ABI3BP: variants seen among roughly 807,000 people sequenced by gnomAD.
ABI3BP encodes ABI family member 3 binding protein, also known as target of Nesh-SH3.
In ABI3BP, 216 loss-of-function variants were observed where a neutral mutation model predicts 268.6. That is an observed-to-expected ratio of 0.80 (90% CI 0.72 to 0.90). The LOEUF is 0.90. Ranked by LOEUF, ABI3BP falls within the 40% of genes least tolerant of loss-of-function variation. The pLI, the probability that ABI3BP is intolerant of heterozygous loss-of-function variation, is 0.00. For synonymous variants in ABI3BP, 730 were observed against 730.0 expected (o/e 1.00, Z 0.00); for missense variants, 2,090 against 2,182.4 (o/e 0.96, Z 0.84).
intron 20 of ABI3BP, chr3:100,844,161 T>G: frequency 1.0e-6 from 1 of 985,446 alleles, no homozygotes; most frequent in Non-Finnish European, 1.2e-6. Context: ...GCCACTCATC[T>G]CAGCACAAAA....
rs2098338719 is a variant in ABI3BP, at chr3:100,824,861, G to A, written c.2743C>T (p.Pro915Ser). Residue 915 changes from proline (P) to serine (S), a missense_variant, in exon 36 of 68, where the codon CCT becomes TCT. By Grantham distance (74) the Pro-to-Ser change is moderately conservative (BLOSUM62 -1). Coordinates refer to ENST00000471714, the MANE Select transcript of ABI3BP (RefSeq NM_001375547.2). ...AACCAAGGAATCACAGATTTACCAG[G>A]TTTGGTCTCAGGTGCCTGAGGGCTC... ...TPSPQAPETK[P>S]VPATVLEPVT... The A allele has an allele frequency of 6.5e-7, 1 of 1,535,554 alleles. No individual in the cohort carries two copies. Among genetic ancestry groups the A allele is most frequent in the African/African-American group, 1.4e-5 (1 of 73,076 alleles).
intron 20 of ABI3BP, among the ~76,000 whole-genome samples, chr3:100,844,811 T>C (rs1219986570): frequency 6.6e-6 from 1 of 152,116 alleles, no homozygotes; most frequent in East Asian, 1.9e-4. Context: ...ATTAGAAGGT[T>C]TAGAAATCAA....
intron 64 of ABI3BP, 89 bp downstream of exon 64, chr3:100,754,523 A>C: frequency 2.4e-6 from 3 of 1,249,688 alleles, no homozygotes; most frequent in Non-Finnish European, 3.4e-6. Context: ...CAGTACATGT[A>C]GTGGGTTTCA....
At chr3:100,841,637 C>T (rs894396739) in intron 21 of ABI3BP, among the ~76,000 whole-genome samples, 4 of 151,946 alleles carry the variant, frequency 2.6e-5, no homozygotes, top group African/African-American at 4.8e-5. Flanking sequence ...ACCTGTAATC[C>T]CAGCACTTTG....
At chr3:100,895,282 G>A (rs577548588) in intron 4 of ABI3BP, among the ~76,000 whole-genome samples, 13 of 152,170 alleles carry the variant, frequency 8.5e-5, no homozygotes, top group Non-Finnish European at 5.9e-5. Context: ...TCTGCTCTCC[G>A]ATGTGAACTT....
intron 2 of ABI3BP, among the ~76,000 whole-genome samples, chr3:100,924,785 C>G (rs1480227109): frequency 2.6e-5 from 4 of 152,032 alleles, no homozygotes; most frequent in Non-Finnish European, 5.9e-5. Flanking sequence ...AATTTGACTT[C>G]TATTACTTTA....
At chr3:100,934,248 T>C (rs1561814817) in intron 1 of ABI3BP, among the ~76,000 whole-genome samples, 1 of 152,004 alleles carries the variant, frequency 6.6e-6, no homozygotes, top group African/African-American at 2.4e-5. Context: ...TTTTCTGTTC[T>C]TGCATTAGTT....
chr3:100,826,364 C>T (rs905374585), intron 34 of ABI3BP, among the ~76,000 whole-genome samples: 1 of 152,064 alleles, frequency 6.6e-6, no homozygotes, highest in East Asian at 1.9e-4. Flanking sequence ...TTTGTCTAGA[C>T]TTGGCTGAAC....
rs549647748 is a variant in ABI3BP, at chr3:100,809,246, C to T, written c.3608-1011G>A. Among the ~76,000 whole-genome samples the T allele has an allele frequency of 2.0e-5, 3 of 152,084 alleles. No homozygotes were observed. The East Asian group carries it at 5.8e-4, about 29-fold the overall frequency. On this transcript the variant is annotated intron_variant, in intron 49 of 67. Coordinates refer to ENST00000471714, the MANE Select transcript of ABI3BP (RefSeq NM_001375547.2). Reference sequence around the variant, plus strand: ...GGGTCTAAGGTCTCAGTTTCTTCATCAGAAGTTACACAATTTTAAAGAACC... The same window carrying T: ...GGGTCTAAGGTCTCAGTTTCTTCATTAGAAGTTACACAATTTTAAAGAACC...
intron 42 of ABI3BP, 31 bp downstream of exon 42, chr3:100,817,405 A>G (rs1316534132): frequency 1.4e-6 from 2 of 1,444,510 alleles, no homozygotes; most frequent in Non-Finnish European, 9.2e-7. Flanking sequence ...TAAGGAGGAA[A>G]AAGTTATTCA....
chr3:100,752,601 A>G (rs2095398145), intron 66 of ABI3BP, 186 bp downstream of exon 66: 2 of 553,030 alleles, frequency 3.6e-6, no homozygotes, highest in Non-Finnish European at 6.2e-6. Context: ...TTACCTTCTA[A>G]TAGCATGTCT....
At chr3:100,813,585 G>T in intron 45 of ABI3BP, 76 bp downstream of exon 45, 1 of 1,140,278 alleles carries the variant, frequency 8.8e-7, no homozygotes, top group Admixed American at 2.3e-5. Flanking sequence ...TTTATCTTTG[G>T]AAATATAACT....
chr3:100,931,643 T>C (rs1252941720), intron 1 of ABI3BP, among the ~76,000 whole-genome samples: 2 of 151,966 alleles, frequency 1.3e-5, no homozygotes, highest in Admixed American at 1.3e-4. Flanking sequence ...GGAATACAGC[T>C]AACCATGGAG....
intron 39 of ABI3BP, among the ~76,000 whole-genome samples, 152 bp from the exon 40 acceptor site, chr3:100,820,455 A>ATTATAATAGTATGTCTCCTT (rs144488788): frequency 0.14 from 21,458 of 152,244 alleles, 1,966 homozygotes; most frequent in South Asian, 0.27. Flanking sequence ...AACATTCACT[A>ATTATAATAGTATGTCTCCTT]TTACAATTGA....
chr3:100,749,895 A>AAAGGAAATGTATATT lies in ABI3BP; in HGVS notation c.*585_*599dup, dbSNP rs1395635590. 2.5e-6 allele frequency: 1 copy of AAAGGAAATGTATATT among 394,968 alleles called. No homozygotes were observed. Among genetic ancestry groups the AAAGGAAATGTATATT allele is most frequent in the Non-Finnish European group, 4.5e-6 (1 of 224,156 alleles). 24.5% of individuals were successfully genotyped at this position (394,968 alleles called of 1,614,324 possible). ...TCTTTTTAAGAATTTGTGGATGTTT[A>AAAGGAAATGTATATT]AAGGAAATGTATATTAGCATGAATG... On this transcript the variant is annotated 3_prime_UTR_variant, in exon 68 of 68. Coordinates refer to ENST00000471714, the MANE Select transcript of ABI3BP (RefSeq NM_001375547.2).
At chr3:100,839,921 T>C in intron 23 of ABI3BP, 151 bp downstream of exon 23, 1 of 613,118 alleles carries the variant, frequency 1.6e-6, no homozygotes, top group Non-Finnish European at 2.7e-6. Flanking sequence ...ATTACATATA[T>C]AAAATGAATA....
chr3:100,750,681 AG>A, intron 67 of ABI3BP, 71 bp from the exon 68 acceptor site: 1 of 1,094,310 alleles, frequency 9.1e-7, no homozygotes, highest in Non-Finnish European at 1.3e-6. Context: ...CATAGATTGA[AG>A]GATGTCGTTG....
chr3:100,892,734 C>G (rs901608204), intron 4 of ABI3BP, among the ~76,000 whole-genome samples: 2 of 152,132 alleles, frequency 1.3e-5, no homozygotes, highest in African/African-American at 2.4e-5. Flanking sequence ...AGTAAGGTTC[C>G]CTACATGACT....
At chr3:100,825,245 T>A in intron 35 of ABI3BP, among the ~76,000 whole-genome samples, 1 of 152,156 alleles carries the variant, frequency 6.6e-6, no homozygotes, top group African/African-American at 2.4e-5. Flanking sequence ...TGAGAAGGGA[T>A]AGGAAGTTAG....
Sources: allele counts gnomAD v4.1 joint callset (sites outside exome capture counted in the v4.1 genomes callset), GRCh38; gene constraint gnomAD v4.1.1; transcripts MANE v1.5; gene names NCBI Gene and HGNC (gene_info 2026-07-23, HGNC 2026-07-21).